The following NRXN1 variants were observed in gnomAD, a reference collection of about 807,000 sequenced individuals.
The protein encoded by NRXN1 is neurexin 1.
In NRXN1, 39 loss-of-function variants were observed where a neutral mutation model predicts 150.9. The ratio of observed to expected loss-of-function variants is 0.26; its 90% CI spans 0.20 to 0.34. The LOEUF (loss-of-function observed/expected upper bound fraction) is 0.34. Ranked by LOEUF, NRXN1 falls within the 10% of genes least tolerant of loss-of-function variation. The pLI, the probability that NRXN1 is intolerant of heterozygous loss-of-function variation, is 1.00. For missense variants in NRXN1, 1,815 were observed against 1,949.9 expected, an observed-to-expected ratio of 0.93 and a Z score of 1.30; for synonymous variants, 924 against 757.0, an observed-to-expected ratio of 1.22 and a Z score of -3.62.
intron 17 of NRXN1, among the ~76,000 whole-genome samples, chr2:50,326,509 A>T (rs2076393765): frequency 6.6e-6 from 1 of 152,172 alleles, no homozygotes; most frequent in South Asian, 2.1e-4. Flanking sequence ...TCAGGCATAT[A>T]ATGGAAGAGA....
intron 12 of NRXN1, among the ~76,000 whole-genome samples, chr2:50,524,512 TAAA>T (rs2092888862): frequency 7.1e-6 from 1 of 141,400 alleles, no homozygotes; most frequent in Non-Finnish European, 1.6e-5. Context: ...AATAAATAAA[TAAA>T]TAAATAAAAT....
intron 5 of NRXN1, among the ~76,000 whole-genome samples, chr2:50,749,340 T>G (rs1392211957): frequency 1.3e-5 from 2 of 152,054 alleles, no homozygotes; most frequent in East Asian, 1.9e-4. Flanking sequence ...GAGGCCCTGC[T>G]CTATGTTAGA....
intron 2 of NRXN1, among the ~76,000 whole-genome samples, chr2:50,964,852 T>G (rs1693801822): frequency 6.6e-6 from 1 of 151,488 alleles, no homozygotes; most frequent in Non-Finnish European, 1.5e-5. Flanking sequence ...CATTGATGCT[T>G]GTCTGAGTGC....
intron 5 of NRXN1, among the ~76,000 whole-genome samples, chr2:50,644,647 C>G (rs1030021076): frequency 2.6e-5 from 4 of 151,276 alleles, no homozygotes; most frequent in African/African-American, 4.8e-5. Flanking sequence ...GTTTATCCTC[C>G]AGGTTAAAAG....
chr2:50,927,095 T>C (rs1004154926), intron 2 of NRXN1, among the ~76,000 whole-genome samples: 6 of 151,926 alleles, frequency 3.9e-5, no homozygotes, highest in East Asian at 1.9e-4. Context: ...TTATTTTTTG[T>C]TTAATTAATT....
At chr2:50,324,775 C>G (rs910015147) in intron 17 of NRXN1, among the ~76,000 whole-genome samples, 13 of 152,240 alleles carry the variant, frequency 8.5e-5, no homozygotes, top group Non-Finnish European at 1.9e-4. Context: ...TTTCCTTAGT[C>G]ACACTCACCT....
chr2:50,639,222 C>CTTT (rs34380621), intron 5 of NRXN1, among the ~76,000 whole-genome samples: 3 of 137,352 alleles, frequency 2.2e-5, no homozygotes, highest in Non-Finnish European at 3.1e-5. Context: ...TTCTTTCTTT[C>CTTT]TTTTTTTTTT....
intron 21 of NRXN1, among the ~76,000 whole-genome samples, chr2:50,027,150 G>A (rs992436205): frequency 2.0e-5 from 3 of 151,788 alleles, no homozygotes; most frequent in Non-Finnish European, 2.9e-5. Flanking sequence ...CCAAAGTGTT[G>A]GGATTACAGG....
At chr2:50,922,757 C>CA in intron 3 of NRXN1, 70 bp from the exon 4 acceptor site, 10 of 1,444,694 alleles carry the variant, frequency 6.9e-6, no homozygotes, top group Non-Finnish European at 9.6e-6. Context: ...GTCACGGTGA[C>CA]AAAAATGTTC....
intron 5 of NRXN1, among the ~76,000 whole-genome samples, chr2:50,772,751 C>T (rs568837700): frequency 1.3e-5 from 2 of 152,184 alleles, no homozygotes; most frequent in Admixed American, 1.3e-4. Context: ...AATGTCCACA[C>T]AGAGGTAACT....
chr2:50,497,025 A>T (rs1236650163), intron 14 of NRXN1, among the ~76,000 whole-genome samples: 1 of 152,188 alleles, frequency 6.6e-6, no homozygotes, highest in African/African-American at 2.4e-5. Flanking sequence ...GCTTTTGTGG[A>T]ATTACATTGT....
chr2:50,005,894 G>C (rs1331869336), intron 21 of NRXN1, among the ~76,000 whole-genome samples: 1 of 152,030 alleles, frequency 6.6e-6, no homozygotes, highest in Non-Finnish European at 1.5e-5. Context: ...TAGCATTTTT[G>C]CCACAGTTAG....
At chr2:49,981,078 A>T (rs765613527) in intron 21 of NRXN1, among the ~76,000 whole-genome samples, 4 of 152,120 alleles carry the variant, frequency 2.6e-5, no homozygotes, top group Non-Finnish European at 4.4e-5. Context: ...AAACATGCTC[A>T]TTTTAGGCTA....
chr2:50,961,895 T>C (rs1693249291), intron 2 of NRXN1, among the ~76,000 whole-genome samples: 1 of 151,594 alleles, frequency 6.6e-6, no homozygotes, highest in Non-Finnish European at 1.5e-5. Flanking sequence ...ATCTGTTATC[T>C]TAGAAAATCT....
At chr2:50,488,628 A>G (rs757374012) in intron 15 of NRXN1, among the ~76,000 whole-genome samples, 7 of 152,118 alleles carry the variant, frequency 4.6e-5, no homozygotes, top group Non-Finnish European at 7.3e-5. Flanking sequence ...GGTTCCTGTA[A>G]TGCTACATCC....
chr2:50,828,251 G>A (rs943160166), intron 5 of NRXN1, among the ~76,000 whole-genome samples: 1 of 149,632 alleles, frequency 6.7e-6, no homozygotes, highest in African/African-American at 2.5e-5. Flanking sequence ...TCCCGGACGG[G>A]GCGGCTGGCC....
In NRXN1 at chr2:50,999,486, C is replaced by T. The variant is rs530844513; in HGVS notation, c.772+28016G>A. Among the ~76,000 whole-genome samples, 8 of 152,088 alleles carry T rather than the reference C, an allele frequency of 5.3e-5. No homozygotes were observed. In the East Asian group the frequency reaches 7.8e-4, roughly 15 times the overall value. On this transcript the variant is annotated intron_variant, in intron 2 of 22. Transcript: ENST00000401669. ...CATCTTCTATGTGACAAGCACAATT[C>T]CAGGTACTCCCCCATAGTTCCTCTT...
chr2:50,430,193 A>T (rs2084847743), intron 17 of NRXN1, among the ~76,000 whole-genome samples: 1 of 152,084 alleles, frequency 6.6e-6, no homozygotes, highest in South Asian at 2.1e-4. Context: ...CATGACGGGG[A>T]GTTTAACCTA....
At chr2:50,753,535 G>A (rs1215042696) in intron 5 of NRXN1, among the ~76,000 whole-genome samples, 2 of 151,794 alleles carry the variant, frequency 1.3e-5, no homozygotes, top group Non-Finnish European at 2.9e-5. Context: ...AAACCTCAGG[G>A]ACTCTGTCAC....
Sources: gnomAD v4.1 joint callset for allele counts (sites outside exome capture counted in the v4.1 genomes callset) on GRCh38, gnomAD v4.1.1 for gene constraint, MANE v1.5 for transcripts, NCBI Gene and HGNC (gene_info 2026-07-23, HGNC 2026-07-21) for gene names.